The following SUZ12 variants were observed in gnomAD, a reference collection of about 807,000 sequenced individuals.
The protein encoded by SUZ12 is polycomb protein SUZ12.
A neutral mutation model predicts 87.3 loss-of-function variants in SUZ12; 17 were observed. The ratio of observed to expected loss-of-function variants is 0.19; its 90% CI spans 0.13 to 0.29. SUZ12 has a LOEUF of 0.29. Among genes scored for constraint, SUZ12 ranks in the 10% least tolerant of loss-of-function variants. The probability of loss-of-function intolerance (pLI) is 1.00; values close to 1 mark genes in which losing one functional copy is unlikely to be tolerated. For synonymous variants in SUZ12, 253 were observed against 312.4 expected, an observed-to-expected ratio of 0.81 and a Z score of 2.01; for missense variants, 526 against 912.2, an observed-to-expected ratio of 0.58 and a Z score of 5.45.
intron 8 of SUZ12, among the ~76,000 whole-genome samples, chr17:31,978,660 A>G (rs541282552): frequency 2.6e-5 from 4 of 152,210 alleles, no homozygotes; most frequent in Non-Finnish European, 4.4e-5. Flanking sequence ...TAATTGTTCT[A>G]TTTTAGGCAG....
At chr17:31,989,919 G>T (rs1215426961) in intron 10 of SUZ12, among the ~76,000 whole-genome samples, 1 of 150,908 alleles carries the variant, frequency 6.6e-6, no homozygotes, top group Non-Finnish European at 1.5e-5. Flanking sequence ...CAGGAACTAT[G>T]TTTTTTATAA....
chr17:31,993,823 G>T, intron 11 of SUZ12, 42 bp from the exon 12 acceptor site: 2 of 1,550,132 alleles, frequency 1.3e-6, no homozygotes, highest in East Asian at 2.3e-5. Context: ...ATCTTGTTAT[G>T]CGTAAATTGG....
Position 31,993,460 on chromosome 17 carries a change from T to A in SUZ12, c.1293+127T>A, listed in dbSNP as rs1909823978. 11 of 728,958 alleles carry A rather than the reference T, an allele frequency of 1.5e-5. No homozygotes were observed. The South Asian group carries it at 2.0e-4, about 13-fold the overall frequency. The allele number at this position is 728,958 out of a possible 1,614,324, so 45.2% of individuals were successfully genotyped here. A position where few individuals can be genotyped will look rare whatever the true frequency, so the allele number is the denominator to read the frequency against. On this transcript the variant is annotated intron_variant, in intron 11 of 15. Transcript: ENST00000322652. ...TATTTGAGACAGGATCTCACTTTTTTGCCCAGGCTGGAGTGCAGTGGTGCA... is the reference window on the plus strand; with the variant it reads ...TATTTGAGACAGGATCTCACTTTTTAGCCCAGGCTGGAGTGCAGTGGTGCA...
At chr17:31,939,859 A>G (rs1467122590) in intron 1 of SUZ12, among the ~76,000 whole-genome samples, 1 of 152,186 alleles carries the variant, frequency 6.6e-6, no homozygotes, top group East Asian at 1.9e-4. Context: ...GACCATTTAA[A>G]AAGTGAAATT....
At chr17:31,983,869 C>T (rs181521014) in intron 9 of SUZ12, among the ~76,000 whole-genome samples, 5 of 152,212 alleles carry the variant, frequency 3.3e-5, no homozygotes, top group South Asian at 2.1e-4. Flanking sequence ...TTAGATTAAG[C>T]GTACTTAAGA....
In SUZ12 at chr17:31,998,972, T is replaced by C; in HGVS notation, c.2189T>C (p.Val730Ala). ...TTGGAAACAGATAGTGTCTCAGGGG[T>C]TTCAAAACAGAGCAAAAAACAAAAA... ...KALETDSVSG[V>A]SKQSKKQKL The change falls in exon 16 of 16, where the codon GTT becomes GCT. Residue 730 changes from valine (V) to alanine (A), a missense_variant. Val to Ala is a moderately conservative substitution (Grantham distance 64). Coordinates refer to ENST00000322652, the MANE Select transcript of SUZ12 (RefSeq NM_015355.4). The C allele has an allele frequency of 6.4e-7, 1 of 1,564,744 alleles. No individual in the cohort carries two copies.
At chr17:31,969,965 C>T (rs1908316895) in intron 5 of SUZ12, among the ~76,000 whole-genome samples, 1 of 152,094 alleles carries the variant, frequency 6.6e-6, no homozygotes, top group Admixed American at 6.5e-5. Context: ...TGCTCTGTCA[C>T]TCATGCTGGA....
chr17:31,975,722 T>G lies in SUZ12; in HGVS notation c.823+9T>G. ...AACCAATGAAAATATTGGTAATTTT[T>G]TTTTTTACTAGATTTTATCACTGGA... On this transcript the variant is annotated intron_variant, in intron 7 of 15. Coordinates refer to ENST00000322652, the MANE Select transcript of SUZ12 (RefSeq NM_015355.4). 6.3e-7 allele frequency: 1 copy of G among 1,597,128 alleles called. No individual in the cohort carries two copies. Among genetic ancestry groups the G allele is most frequent in the Non-Finnish European group, 8.5e-7 (1 of 1,171,232 alleles).
At chr17:31,975,774 G>A (rs939778836) in intron 7 of SUZ12, 61 bp downstream of exon 7, 3 of 1,323,674 alleles carry the variant, frequency 2.3e-6, no homozygotes, top group African/African-American at 3.0e-5. Flanking sequence ...GAAAATGATT[G>A]TACCAGTGTT....
intron 3 of SUZ12, among the ~76,000 whole-genome samples, chr17:31,942,643 G>T (rs1470224570): frequency 6.6e-6 from 1 of 152,144 alleles, no homozygotes; most frequent in East Asian, 1.9e-4. Flanking sequence ...GGCCTTGGTG[G>T]TGGTCTTATT....
At chr17:31,985,835 A>G (rs991933320) in intron 9 of SUZ12, among the ~76,000 whole-genome samples, 19 of 151,170 alleles carry the variant, frequency 1.3e-4, no homozygotes, top group African/African-American at 4.6e-4. Flanking sequence ...GCTGATTTTC[A>G]TATTTTTAGT....
At chr17:31,973,050 G>A in intron 5 of SUZ12, 96 bp from the exon 6 acceptor site, 1 of 1,204,590 alleles carries the variant, frequency 8.3e-7, no homozygotes, top group Non-Finnish European at 1.1e-6. Context: ...CTTACTGTGG[G>A]AAATCTCTGT....
chr17:31,955,594 A>G (rs2470268), intron 4 of SUZ12, among the ~76,000 whole-genome samples: 123 of 151,296 alleles, frequency 8.1e-4, no homozygotes, highest in African/African-American at 2.8e-3. Context: ...CTAAAAATAT[A>G]AAAATTAGCT....
At chr17:31,997,114 AT>A (rs1337444157) in intron 15 of SUZ12, among the ~76,000 whole-genome samples, 1 of 152,156 alleles carries the variant, frequency 6.6e-6, no homozygotes, top group African/African-American at 2.4e-5. Context: ...ATTAGTATTA[AT>A]AAAATCAAGG....
rs1910194934 is a variant in SUZ12, at chr17:32,000,350, A to G, written c.*1347A>G. The G allele has an allele frequency of 8.6e-6, 2 of 232,722 alleles. No homozygotes were observed. Among genetic ancestry groups the G allele is most frequent in the Non-Finnish European group, 1.7e-5 (2 of 117,788 alleles). 14.4% of individuals were successfully genotyped at this position (232,722 alleles called of 1,614,324 possible). On this transcript the variant is annotated 3_prime_UTR_variant, in exon 16 of 16. Coordinates refer to ENST00000322652, the MANE Select transcript of SUZ12 (RefSeq NM_015355.4). ...TCTAATGGTGTCTTCAGAAATTTAT[A>G]AAATGTAAATACTGATTTGACTGGT...
intron 4 of SUZ12, among the ~76,000 whole-genome samples, chr17:31,964,712 A>G (rs1598164306): frequency 6.6e-6 from 1 of 152,212 alleles, no homozygotes; most frequent in Middle Eastern, 3.4e-3. Context: ...CCCACACTGT[A>G]GTTTTTTTAG....
rs754681384 is a variant in SUZ12, at chr17:31,995,546, T to G, written c.1596-18T>G. On this transcript the variant is annotated intron_variant, in intron 13 of 15. Transcript: ENST00000322652. ...TACATGTAGAGGCCATAAATCAACA[T>G]TTATTTCTTTTCATTAGGCCAAAAC... 202 of 1,612,010 alleles carry G rather than the reference T, an allele frequency of 1.3e-4. No homozygotes were observed. The highest frequency in any genetic ancestry group is 1.6e-4 in the Non-Finnish European group (183 of 1,178,430).
intron 4 of SUZ12, among the ~76,000 whole-genome samples, chr17:31,958,819 C>A (rs1907525841): frequency 6.6e-6 from 1 of 152,028 alleles, no homozygotes; most frequent in Non-Finnish European, 1.5e-5. Flanking sequence ...GCACTCCATC[C>A]TGGCTACAGA....
At chr17:31,938,108 A>G (rs1906047764) in intron 1 of SUZ12, among the ~76,000 whole-genome samples, 1 of 152,064 alleles carries the variant, frequency 6.6e-6, no homozygotes, top group African/African-American at 2.4e-5. Flanking sequence ...TTCTCTGGAG[A>G]CGACCCCGGA....
Sources: gnomAD v4.1 joint callset for allele counts (sites outside exome capture counted in the v4.1 genomes callset) on GRCh38, gnomAD v4.1.1 for gene constraint, MANE v1.5 for transcripts, NCBI Gene and HGNC (gene_info 2026-07-23, HGNC 2026-07-21) for gene names.